The following COL5A2 variants were observed in gnomAD, a reference collection of about 807,000 sequenced individuals.
COL5A2 encodes collagen type V alpha 2 chain, also known as collagen alpha-2(V) chain.
COL5A2 carries 23 observed loss-of-function variants against 208.2 expected under a neutral mutation model. The ratio of observed to expected loss-of-function variants is 0.11; its 90% CI spans 0.08 to 0.16. The LOEUF is 0.16. COL5A2 is among the 10% of genes least tolerant of loss of function. The probability of loss-of-function intolerance (pLI) is 1.00; values close to 1 mark genes in which losing one functional copy is unlikely to be tolerated. For missense variants in COL5A2, 1,590 were observed against 1,956.4 expected, an observed-to-expected ratio of 0.81 and a Z score of 3.53; for synonymous variants, 625 against 628.5, an observed-to-expected ratio of 0.99 and a Z score of 0.08.
the COL5A2 span, among the ~76,000 whole-genome samples, chr2:189,313,169 A>G: frequency 2.0e-5 from 3 of 152,266 alleles, no homozygotes; most frequent in Middle Eastern, 3.4e-3. Context: ...GAGAAAAAAG[A>G]ATGAAAAGGA....
chr2:189,174,156 T>C (rs1269362767), intron 1 of COL5A2, among the ~76,000 whole-genome samples: 1 of 152,250 alleles, frequency 6.6e-6, no homozygotes, highest in Non-Finnish European at 1.5e-5. Flanking sequence ...GCTTCCTCTT[T>C]CTGCTTTTGC....
At chr2:189,397,375 A>AATATTTT in the COL5A2 span, among the ~76,000 whole-genome samples, 3 of 152,210 alleles carry the variant, frequency 2.0e-5, no homozygotes, top group Admixed American at 2.0e-4. Context: ...ATGTAGTAAG[A>AATATTTT]ATATTTTAAT....
intron 1 of COL5A2, among the ~76,000 whole-genome samples, chr2:189,121,789 T>C (rs1576540914): frequency 6.7e-6 from 1 of 149,478 alleles, no homozygotes; most frequent in African/African-American, 2.4e-5. Context: ...TCCACAGTCT[T>C]TCTTCAATTG....
In COL5A2 at chr2:189,210,008, A is replaced by G. The variant is rs570375804; in HGVS notation, c.-42+15140T>C. On this transcript the variant is annotated intron_variant, in intron 1 of 10. Transcript: ENST00000649966. ...CCGCCCTGAAAGGGAAGCTAGGGAA[A>G]AAGAGTGAGCTGAGTTTTCAGGCCG... is the stretch of plus-strand genomic sequence containing the variant. Among the ~76,000 whole-genome samples the G allele has an allele frequency of 2.0e-5, 3 of 152,324 alleles. No individual in the cohort carries two copies. The South Asian group carries it at 6.2e-4, about 32-fold the overall frequency.
At chr2:189,035,263 G>C in intron 52 of COL5A2, 108 bp from the exon 53 acceptor site, 1 of 1,399,306 alleles carries the variant, frequency 7.1e-7, no homozygotes, top group African/African-American at 1.4e-5. Flanking sequence ...CAATTTTGAA[G>C]AGTATTACTT....
chr2:189,218,081 T>G (rs995084769), intron 1 of COL5A2, among the ~76,000 whole-genome samples: 7 of 152,208 alleles, frequency 4.6e-5, no homozygotes, highest in African/African-American at 1.4e-4. Context: ...CTTTCTGTGA[T>G]AGTCATGGAT....
chr2:189,319,300 G>T, the COL5A2 span, among the ~76,000 whole-genome samples: 3 of 152,216 alleles, frequency 2.0e-5, no homozygotes, highest in African/African-American at 7.2e-5. Context: ...TCTCACTGGG[G>T]CTTGTCAGAC....
At position 189,051,375 on chromosome 2, in the gene COL5A2, G is replaced by C. The variant is rs776161992; in HGVS notation, c.2876C>G (p.Ala959Gly). 6.2e-7 allele frequency: 1 copy of C among 1,614,080 alleles called. No individual in the cohort carries two copies. The highest frequency in any genetic ancestry group is 8.5e-7 in the Non-Finnish European group (1 of 1,179,988). The stretch of plus-strand genomic sequence containing the variant: ...GTCTCCTGGGCCACCAGGGGGGCCA[G>C]CTGGTCCTCGATCTCCCACACGCCC... ...SHGRVGDRGP[A>G]GPPGGPGDKG... The change falls in exon 42 of 54, where the codon GCT becomes GGT. Residue 959 changes from alanine to glycine, a missense_variant. Physicochemically the swap from Ala to Gly is moderately conservative, Grantham distance 60 (BLOSUM62 0). Transcript: ENST00000374866.
At chr2:189,096,532 G>A (rs1048802063) in intron 6 of COL5A2, among the ~76,000 whole-genome samples, 2 of 149,442 alleles carry the variant, frequency 1.3e-5, no homozygotes, top group African/African-American at 4.9e-5. Flanking sequence ...TGAGGCAGGA[G>A]AATGGCGTGA....
At chr2:189,229,360 G>A (rs1194164190), upstream of COL5A2, among the ~76,000 whole-genome samples, 1 of 150,714 alleles carries the variant, frequency 6.6e-6, no homozygotes, top group Non-Finnish European at 1.5e-5. Flanking sequence ...AAGGAAGAAG[G>A]AAAATTATCC....
At chr2:189,082,580 T>C (rs1686558955) in intron 12 of COL5A2, among the ~76,000 whole-genome samples, 1 of 152,218 alleles carries the variant, frequency 6.6e-6, no homozygotes, top group African/African-American at 2.4e-5. Context: ...AACTTCAGTT[T>C]TTATGGTCTG....
the COL5A2 span, among the ~76,000 whole-genome samples, chr2:189,271,963 C>A: frequency 6.6e-6 from 1 of 152,154 alleles, no homozygotes; most frequent in Non-Finnish European, 1.5e-5. Context: ...CAATGAGATA[C>A]CATCTTACGT....
the COL5A2 span, among the ~76,000 whole-genome samples, chr2:189,283,724 T>C: frequency 2.0e-5 from 3 of 152,138 alleles, no homozygotes; most frequent in African/African-American, 7.2e-5. Flanking sequence ...AAATGTGCCA[T>C]GTCAATAAAA....
At chr2:189,419,956 TGAGAG>T in the COL5A2 span, among the ~76,000 whole-genome samples, 261 of 53,840 alleles carry the variant, frequency 4.8e-3, 3 homozygotes, top group East Asian at 0.058. Flanking sequence ...GGAAAAGAGG[TGAGAG>T]GAGAGGAGAG....
At chr2:189,266,358 G>A in the COL5A2 span, among the ~76,000 whole-genome samples, 2 of 152,008 alleles carry the variant, frequency 1.3e-5, no homozygotes, top group African/African-American at 2.4e-5. Context: ...CCTGGGAGGC[G>A]GAGGTTACAG....
the COL5A2 span, among the ~76,000 whole-genome samples, chr2:189,320,372 T>G: frequency 1.3e-5 from 2 of 152,178 alleles, no homozygotes. Flanking sequence ...GTCTCCGAGC[T>G]AAAGGGGGAA....
intron 27 of COL5A2, 43 bp from the exon 28 acceptor site, chr2:189,063,106 C>A: frequency 6.2e-7 from 1 of 1,612,822 alleles, no homozygotes; most frequent in Non-Finnish European, 8.5e-7. Context: ...TTCAATTTGT[C>A]AAAAACATAC....
intron 47 of COL5A2, 47 bp downstream of exon 47, chr2:189,045,132 T>A (rs1290181132): frequency 1.0e-5 from 14 of 1,368,188 alleles, no homozygotes; most frequent in South Asian, 2.6e-5. Flanking sequence ...TGGGAGTATA[T>A]TTTATATAAG....
chr2:189,034,088 C>T lies in COL5A2; in HGVS notation c.4482G>A (p.Gly1494=). The part of the protein sequence containing the change: ...GTDQEFGVEI[G]PVCFV ...GCTTACTTTACACAAAACAAACTGG[C>T]CCAATTTCAACGCCGAATTCCTGGT... Residue 1494 remains glycine (G), a synonymous_variant, in exon 54 of 54, where the codon GGG becomes GGA. Transcript: ENST00000374866. 6.2e-7 allele frequency: 1 copy of T among 1,613,956 alleles called. No individual in the cohort carries two copies. Among genetic ancestry groups the T allele is most frequent in the South Asian group, 1.1e-5 (1 of 91,080 alleles).
Sources: allele counts gnomAD v4.1 joint callset (sites outside exome capture counted in the v4.1 genomes callset), GRCh38; gene constraint gnomAD v4.1.1; transcripts MANE v1.5; gene names NCBI Gene and HGNC (gene_info 2026-07-23, HGNC 2026-07-21).